INSL6: variants seen among roughly 807,000 people sequenced by gnomAD.
The protein encoded by INSL6 is insulin-like peptide INSL6.
INSL6 carries 16 observed loss-of-function variants against 9.4 expected under a neutral mutation model. That is an observed-to-expected ratio of 1.70 (90% CI 1.15 to 2.59). The LOEUF is 2.59. INSL6 is among the 30% of genes most tolerant of loss of function. INSL6 has a pLI of 0.00. For synonymous variants in INSL6, 154 were observed against 96.9 expected (o/e 1.59, Z -3.46); for missense variants, 391 against 257.3 (o/e 1.52, Z -3.56).
the INSL6 span, among the ~76,000 whole-genome samples, chr9:5,067,861 TAAGA>T: frequency 6.6e-6 from 1 of 151,956 alleles, no homozygotes; most frequent in Non-Finnish European, 1.5e-5. Context: ...TTACAATTAT[TAAGA>T]AAGGGCAGCC....
At chr9:5,156,758 T>G (rs1261463853) in intron 2 of INSL6, among the ~76,000 whole-genome samples, 2 of 152,162 alleles carry the variant, frequency 1.3e-5, no homozygotes, top group Non-Finnish European at 2.9e-5. Flanking sequence ...ATAACAGGAC[T>G]GTTTATAAAG....
At chr9:5,156,532 T>C (rs1288355631) in intron 2 of INSL6, among the ~76,000 whole-genome samples, 2 of 152,072 alleles carry the variant, frequency 1.3e-5, no homozygotes, top group African/African-American at 4.8e-5. Flanking sequence ...ATTCAACACC[T>C]ACTCATGATT....
Position 5,182,519 on chromosome 9 carries a change from G to A in INSL6, c.289+2795C>T, listed in dbSNP as rs534907244. 1.9e-4 allele frequency among the ~76,000 whole-genome samples: 29 copies of A among 151,990 alleles called. No homozygotes were observed. In the East Asian group the frequency reaches 4.4e-3, roughly 23 times the overall value. ...CTTCATGAGGGTAGGAGCCTTCACCGTTTACTCTAACATCCCAATCACCAA... is the reference window on the plus strand; with the variant it reads ...CTTCATGAGGGTAGGAGCCTTCACCATTTACTCTAACATCCCAATCACCAA... On this transcript the variant is annotated intron_variant, in intron 1 of 1. Transcript: ENST00000381641.
At chr9:5,130,370 T>C (rs912613727) in intron 3 of INSL6, among the ~76,000 whole-genome samples, 2 of 152,232 alleles carry the variant, frequency 1.3e-5, no homozygotes, top group Non-Finnish European at 2.9e-5. Context: ...GCATAGCTTT[T>C]AGATCTGAAT....
At chr9:5,111,478 TGAG>T in the INSL6 span, 2 of 381,536 alleles carry the variant, frequency 5.2e-6, no homozygotes, top group South Asian at 2.0e-5. Context: ...CCAGCTCAGG[TGAG>T]GAGTACGGTA....
the INSL6 span, among the ~76,000 whole-genome samples, chr9:5,049,223 T>C: frequency 2.6e-5 from 4 of 152,182 alleles, no homozygotes; most frequent in Non-Finnish European, 5.9e-5. Context: ...ACTTCTATCA[T>C]TGCTACTACT....
chr9:4,995,728 C>T, the INSL6 span, among the ~76,000 whole-genome samples: 1,227 of 152,242 alleles, frequency 8.1e-3, 18 homozygotes, highest in African/African-American at 0.027. Flanking sequence ...ATGAATAAAT[C>T]AAGCATTTAG....
the INSL6 span, chr9:5,090,565 T>A: frequency 6.4e-7 from 1 of 1,572,810 alleles, no homozygotes; most frequent in Non-Finnish European, 8.6e-7. Context: ...ATCTCAGATA[T>A]GCAAGGTAAC....
chr9:5,043,990 A>T, the INSL6 span, among the ~76,000 whole-genome samples: 1 of 152,242 alleles, frequency 6.6e-6, no homozygotes, highest in Admixed American at 6.5e-5. Context: ...AAGACAATAT[A>T]GAGTGTTCTT....
At chr9:5,117,300 T>C in the INSL6 span, among the ~76,000 whole-genome samples, 1,544 of 152,324 alleles carry the variant, frequency 0.01, 18 homozygotes, top group African/African-American at 0.036. Context: ...GTTCAGACCT[T>C]CTTTAGTAGA....
At chr9:5,114,245 A>T in the INSL6 span, 50 of 534,104 alleles carry the variant, frequency 9.4e-5, 1 homozygote, top group South Asian at 7.7e-4. Context: ...AGTTGCCCAC[A>T]ATCACCTGTC....
the INSL6 span, among the ~76,000 whole-genome samples, chr9:5,042,105 G>T: frequency 2.0e-5 from 3 of 149,954 alleles, no homozygotes; most frequent in Non-Finnish European, 4.4e-5. Context: ...CTTCCTTCAC[G>T]TAAGACTGGC....
At chr9:5,148,053 C>A (rs540295372) in intron 2 of INSL6, among the ~76,000 whole-genome samples, 1 of 152,296 alleles carries the variant, frequency 6.6e-6, no homozygotes, top group African/African-American at 2.4e-5. Context: ...ACAATTCAGA[C>A]TGGTTAAGAA....
At chr9:5,102,477 T>A in the INSL6 span, among the ~76,000 whole-genome samples, 2 of 152,186 alleles carry the variant, frequency 1.3e-5, no homozygotes, top group Non-Finnish European at 2.9e-5. Context: ...TTCAGGATAT[T>A]ATCCAGGAGA....
At chr9:5,034,911 A>AACCCTT in the INSL6 span, among the ~76,000 whole-genome samples, 735 of 152,238 alleles carry the variant, frequency 4.8e-3, 9 homozygotes, top group African/African-American at 0.017. Flanking sequence ...GGACATAGAG[A>AACCCTT]GACAAAAAAC....
intron 1 of INSL6, among the ~76,000 whole-genome samples, chr9:5,170,654 G>T (rs1449770630): frequency 1.3e-5 from 2 of 151,028 alleles, no homozygotes; most frequent in Non-Finnish European, 2.9e-5. Context: ...AGGATAAAGG[G>T]GATATCACCA....
chr9:5,083,420 TTGTC>T, the INSL6 span, among the ~76,000 whole-genome samples: 2 of 152,224 alleles, frequency 1.3e-5, no homozygotes, highest in Non-Finnish European at 2.9e-5. Context: ...CATGTTAGTG[TTGTC>T]TGTTATTATC....
At chr9:5,184,510 A>G (rs1403449764) in intron 1 of INSL6, among the ~76,000 whole-genome samples, 1 of 152,240 alleles carries the variant, frequency 6.6e-6, no homozygotes, top group Non-Finnish European at 1.5e-5. Flanking sequence ...AGCGCATATT[A>G]AACACATGCG....
chr9:5,149,501 A>G (rs1824671415), intron 2 of INSL6, among the ~76,000 whole-genome samples: 1 of 152,192 alleles, frequency 6.6e-6, no homozygotes, highest in South Asian at 2.1e-4. Context: ...TGCAATAGCT[A>G]CAAAGAAAAA....
Sources: gnomAD v4.1 joint callset for allele counts (sites outside exome capture counted in the v4.1 genomes callset) on GRCh38, gnomAD v4.1.1 for gene constraint, MANE v1.5 for transcripts, NCBI Gene and HGNC (gene_info 2026-07-23, HGNC 2026-07-21) for gene names.